SLC25A48: variants seen among roughly 807,000 people sequenced by gnomAD.
SLC25A48 encodes solute carrier family 25 member 48.
A neutral mutation model predicts 32.2 loss-of-function variants in SLC25A48; 29 were observed. The ratio of observed to expected loss-of-function variants is 0.90; its 90% CI spans 0.67 to 1.23. SLC25A48 has a LOEUF of 1.23. SLC25A48 is among the 50% of genes most tolerant of loss of function. The probability of loss-of-function intolerance (pLI) is 0.00; values close to 1 mark genes in which losing one functional copy is unlikely to be tolerated. For synonymous variants in SLC25A48, 164 were observed against 172.3 expected, an observed-to-expected ratio of 0.95 and a Z score of 0.38; for missense variants, 399 against 422.7, an observed-to-expected ratio of 0.94 and a Z score of 0.49.
At chr5:135,643,567 A>C (rs1472219945) in intron 3 of SLC25A48, among the ~76,000 whole-genome samples, 1 of 152,106 alleles carries the variant, frequency 6.6e-6, no homozygotes, top group Non-Finnish European at 1.5e-5. Flanking sequence ...CCTCTGCCCC[A>C]CTCAGAGAGG....
chr5:135,618,372 A>G (rs1368610406), intron 1 of SLC25A48, among the ~76,000 whole-genome samples: 1 of 152,004 alleles, frequency 6.6e-6, no homozygotes, highest in Non-Finnish European at 1.5e-5. Context: ...ATTTCAGCCA[A>G]TCTCTATCTT....
At chr5:135,853,143 A>G (rs1293140609) in intron 4 of SLC25A48, among the ~76,000 whole-genome samples, 1 of 152,246 alleles carries the variant, frequency 6.6e-6, no homozygotes, top group Admixed American at 6.5e-5. Flanking sequence ...AAAATACTTT[A>G]GTACTAAAAA....
chr5:135,796,013 G>GGT (rs1467720259), intron 3 of SLC25A48, among the ~76,000 whole-genome samples: 1 of 138,836 alleles, frequency 7.2e-6, no homozygotes, highest in East Asian at 2.4e-4. Context: ...ATCGCGAGGG[G>GGT]GGGGTGGGTG....
At chr5:135,746,720 G>A (rs1035344143) in intron 3 of SLC25A48, among the ~76,000 whole-genome samples, 16 of 152,002 alleles carry the variant, frequency 1.1e-4, no homozygotes, top group African/African-American at 3.6e-4. Context: ...ATTTAATATC[G>A]ATGCAGTACT....
chr5:135,762,562 G>A (rs968786092), intron 3 of SLC25A48, among the ~76,000 whole-genome samples: 1 of 152,128 alleles, frequency 6.6e-6, no homozygotes, highest in Non-Finnish European at 1.5e-5. Flanking sequence ...TATATTATAT[G>A]CTATATGGGT....
chr5:135,753,304 G>T (rs1426164930), intron 3 of SLC25A48, among the ~76,000 whole-genome samples: 2 of 151,894 alleles, frequency 1.3e-5, no homozygotes, highest in African/African-American at 4.8e-5. Flanking sequence ...GTAATATCTT[G>T]AGAAATTATG....
At chr5:135,607,651 T>C (rs928477043) in intron 1 of SLC25A48, among the ~76,000 whole-genome samples, 2 of 152,236 alleles carry the variant, frequency 1.3e-5, no homozygotes, top group Admixed American at 1.3e-4. Flanking sequence ...TTCCTGCTTC[T>C]ATATGAAGTA....
chr5:135,834,189 C>G (rs1580938866), upstream of SLC25A48, among the ~76,000 whole-genome samples: 1 of 152,318 alleles, frequency 6.6e-6, no homozygotes, highest in East Asian at 1.9e-4. Flanking sequence ...CCACCTCTGC[C>G]TTCTGTTGGC....
intron 3 of SLC25A48, among the ~76,000 whole-genome samples, chr5:135,688,900 T>C (rs1249448743): frequency 6.6e-6 from 1 of 152,208 alleles, no homozygotes; most frequent in Non-Finnish European, 1.5e-5. Flanking sequence ...ATAATAATAA[T>C]AATAGCTATC....
chr5:135,875,516 C>T (rs1192231132), intron 6 of SLC25A48: 1 of 152,228 alleles, frequency 6.6e-6, no homozygotes, highest in Non-Finnish European at 1.5e-5. Flanking sequence ...ACTGTAAAGT[C>T]CAGCCCTTAG....
At chr5:135,630,651 GAGTGC>G (rs1234241874) in intron 2 of SLC25A48, among the ~76,000 whole-genome samples, 17 of 134,350 alleles carry the variant, frequency 1.3e-4, no homozygotes, top group African/African-American at 4.8e-4. Context: ...TCCCAGGCTG[GAGTGC>G]AGTGGAGTGA....
intron 1 of SLC25A48, among the ~76,000 whole-genome samples, chr5:135,626,060 AAATAAACCTCAGG>A: frequency 6.6e-6 from 1 of 152,344 alleles, no homozygotes; most frequent in South Asian, 2.1e-4. Flanking sequence ...GAACCTGATG[AAATAAACCTCAGG>A]ACAATGGGGT....
chr5:135,714,493 T>C (rs1322894753), intron 3 of SLC25A48, among the ~76,000 whole-genome samples: 1 of 152,200 alleles, frequency 6.6e-6, no homozygotes, highest in African/African-American at 2.4e-5. Context: ...CATGTCGGGC[T>C]TGCAGTGGAA....
At chr5:135,667,565 C>G (rs1753553540) in intron 3 of SLC25A48, among the ~76,000 whole-genome samples, 1 of 152,156 alleles carries the variant, frequency 6.6e-6, no homozygotes, top group East Asian at 1.9e-4. Context: ...TTAAAAACCC[C>G]CTACTCCCTT....
At chr5:135,749,085 C>T (rs952367848) in intron 3 of SLC25A48, among the ~76,000 whole-genome samples, 5 of 152,042 alleles carry the variant, frequency 3.3e-5, no homozygotes, top group South Asian at 2.1e-4. Flanking sequence ...CATTTCCTGG[C>T]GGGCTCCTCC....
Position 135,718,518 on chromosome 5 carries a change from T to C in SLC25A48, c.-521+83562T>C, listed in dbSNP as rs1754871352. Among the ~76,000 whole-genome samples, 9 of 152,338 alleles carry C rather than the reference T, an allele frequency of 5.9e-5. No homozygotes were observed. The South Asian group carries it at 1.9e-3, about 32-fold the overall frequency. ...GGAATAACAGTAATATGGATCTCTA[T>C]GCTGAAATGAGAATTATAGAAGAAT... On this transcript the variant is annotated intron_variant, in intron 3 of 10. Coordinates refer to the SLC25A48 transcript ENST00000646290.
chr5:135,737,324 G>C (rs1172174760), intron 3 of SLC25A48, among the ~76,000 whole-genome samples: 1 of 152,142 alleles, frequency 6.6e-6, no homozygotes, highest in Non-Finnish European at 1.5e-5. Flanking sequence ...TTTGAGCCAG[G>C]ATGAGCCGGG....
chr5:135,642,173 T>C (rs1752854854), intron 3 of SLC25A48, among the ~76,000 whole-genome samples: 2 of 152,250 alleles, frequency 1.3e-5, no homozygotes, highest in African/African-American at 4.8e-5. Flanking sequence ...CATCTACTGA[T>C]GGTGGCTGTC....
chr5:135,651,815 A>G (rs1446371652), intron 3 of SLC25A48, among the ~76,000 whole-genome samples: 1 of 152,216 alleles, frequency 6.6e-6, no homozygotes, highest in Non-Finnish European at 1.5e-5. Context: ...GGATCTACAT[A>G]GATTTATAGG....
Sources: allele counts gnomAD v4.1 joint callset (sites outside exome capture counted in the v4.1 genomes callset), GRCh38; gene constraint gnomAD v4.1.1; transcripts MANE v1.5; gene names NCBI Gene and HGNC (gene_info 2026-07-23, HGNC 2026-07-21).